C1orf87: variants seen among roughly 807,000 people sequenced by gnomAD.
The protein encoded by C1orf87 is chromosome 1 open reading frame 87, also known as uncharacterized protein C1orf87.
Under a neutral mutation model 60.5 loss-of-function variants are expected in C1orf87, and 58 were observed. That is an observed-to-expected ratio of 0.96 (90% confidence interval 0.78 to 1.19). C1orf87 has a LOEUF of 1.19. C1orf87 is among the 50% of genes most tolerant of loss of function. The pLI is 0.00. For synonymous variants in C1orf87, 236 were observed against 227.4 expected (o/e 1.04, Z -0.34); for missense variants, 673 against 638.6 (o/e 1.05, Z -0.58).
chr1:60,008,862 A>C (rs755147013), intron 9 of C1orf87: 4 of 347,440 alleles, frequency 1.2e-5, no homozygotes, highest in Non-Finnish European at 1.7e-5. Flanking sequence ...TCCCCTCTGA[A>C]ATCCTTCCTC....
chr1:60,029,204 C>G (rs1645219424), intron 7 of C1orf87, among the ~76,000 whole-genome samples: 1 of 152,110 alleles, frequency 6.6e-6, no homozygotes, highest in African/African-American at 2.4e-5. Context: ...TAAGTCAGGG[C>G]CCATATCTAA....
intron 3 of C1orf87, among the ~76,000 whole-genome samples, chr1:60,041,649 T>A (rs1316603545): frequency 1.3e-5 from 2 of 152,162 alleles, no homozygotes; most frequent in African/African-American, 4.8e-5. Flanking sequence ...CCATGGAGCA[T>A]GGTATATTAA....
chr1:60,061,849 G>A (rs1414034377), intron 2 of C1orf87, among the ~76,000 whole-genome samples: 1 of 149,946 alleles, frequency 6.7e-6, no homozygotes, highest in African/African-American at 2.5e-5. Flanking sequence ...TACTTGGGAA[G>A]CTGAGGCAGG....
chr1:60,048,815 A>T (rs1645392154), intron 3 of C1orf87, among the ~76,000 whole-genome samples: 1 of 151,952 alleles, frequency 6.6e-6, no homozygotes. Context: ...AGAATAATCT[A>T]TATATATTTT....
intron 2 of C1orf87, among the ~76,000 whole-genome samples, chr1:60,061,864 T>C (rs1645499325): frequency 6.7e-6 from 1 of 149,716 alleles, no homozygotes; most frequent in Non-Finnish European, 1.5e-5. Context: ...GGCAGGAGGA[T>C]TGCTTGAGCC....
At chr1:60,072,468 G>T in intron 2 of C1orf87, 69 bp downstream of exon 2, 3 of 1,238,380 alleles carry the variant, frequency 2.4e-6, no homozygotes, top group South Asian at 1.4e-5. Flanking sequence ...TAAATTTCTG[G>T]GTGAAAACAA....
chr1:60,038,004 G>A lies in C1orf87; in HGVS notation c.851C>T (p.Thr284Ile), dbSNP rs762634657. 3.7e-6 allele frequency: 6 copies of A among 1,607,970 alleles called. No homozygotes were observed. The highest frequency in any genetic ancestry group is 5.1e-6 in the Non-Finnish European group (6 of 1,175,320). The change falls in exon 6 of 12, where the codon ACT becomes ATT. Residue 284 changes from threonine to isoleucine, a missense_variant. Coordinates refer to ENST00000371201, the MANE Select transcript of C1orf87 (RefSeq NM_152377.3). ...ADLRKTESHG[T>I]HSQSTPPQHS... ...GGGAGAAGAGTACCTTTGGCTATGA[G>A]TGCCATGACTCTCAGTTTTTCTCAG...
chr1:60,008,359 G>A (rs1320888890), intron 9 of C1orf87, among the ~76,000 whole-genome samples: 1 of 152,022 alleles, frequency 6.6e-6, no homozygotes, highest in Non-Finnish European at 1.5e-5. Flanking sequence ...ATTTAGTTGT[G>A]TGAGACTTCA....
In C1orf87 at chr1:60,033,545, G is replaced by A; in HGVS notation, c.960C>T (p.Asn320=). Reference sequence around the variant, plus strand: ...GAAAACTCAGATTGAGATTGTCTATGTTGAGTCTGCCATTGGTTGTCCTTA... The same window carrying A: ...GAAAACTCAGATTGAGATTGTCTATATTGAGTCTGCCATTGGTTGTCCTTA... ...MALRTTNGRL[N]IDNLNLSFRK... Residue 320 remains asparagine (N), a synonymous_variant, in exon 7 of 12, where the codon AAC becomes AAT. Coordinates refer to ENST00000371201, the MANE Select transcript of C1orf87 (RefSeq NM_152377.3). The A allele has an allele frequency of 6.2e-7, 1 of 1,613,958 alleles. No individual in the cohort carries two copies. Among genetic ancestry groups the A allele is most frequent in the South Asian group, 1.1e-5 (1 of 91,000 alleles).
At chr1:60,056,255 AT>A (rs1207212520) in intron 2 of C1orf87, among the ~76,000 whole-genome samples, 1 of 152,156 alleles carries the variant, frequency 6.6e-6, no homozygotes, top group Non-Finnish European at 1.5e-5. Context: ...AAATAAAAAA[AT>A]AATGGAAAGT....
At chr1:60,034,834 T>C (rs187273846) in intron 6 of C1orf87, among the ~76,000 whole-genome samples, 1 of 152,338 alleles carries the variant, frequency 6.6e-6, no homozygotes, top group Admixed American at 6.5e-5. Flanking sequence ...CAAGTCTGTT[T>C]TGTTCCTTAC....
intron 11 of C1orf87, among the ~76,000 whole-genome samples, chr1:59,994,510 C>T (rs1178478996): frequency 2.0e-5 from 3 of 152,198 alleles, no homozygotes; most frequent in African/African-American, 7.2e-5. Context: ...AGAGGAATTT[C>T]TTTCAGGCTC....
intron 7 of C1orf87, among the ~76,000 whole-genome samples, chr1:60,028,359 T>C (rs1000288469): frequency 6.6e-6 from 1 of 152,190 alleles, no homozygotes; most frequent in Admixed American, 6.5e-5. Context: ...GACTGATGGA[T>C]AGCTGCTAAG....
chr1:60,025,262 C>T lies in C1orf87; in HGVS notation c.1127+139G>A, dbSNP rs1389659330. 6.6e-6 allele frequency: 4 copies of T among 607,498 alleles called. No individual in the cohort carries two copies. The African/African-American group carries it at 7.6e-5, about 12-fold the overall frequency. The allele number at this position is 607,498 out of a possible 1,614,324, so 37.6% of individuals were successfully genotyped here. On this transcript the variant is annotated intron_variant, in intron 8 of 11. Coordinates refer to ENST00000371201, the MANE Select transcript of C1orf87 (RefSeq NM_152377.3). The stretch of plus-strand genomic sequence containing the variant: ...AATAATTTCATCATGGGGGTTTCAC[C>T]TTTATGACATCATCTAAACCTAATC...
chr1:60,009,868 A>C (rs944769398), intron 9 of C1orf87, among the ~76,000 whole-genome samples: 2 of 152,018 alleles, frequency 1.3e-5, no homozygotes, highest in South Asian at 2.1e-4. Flanking sequence ...CAACCCAGCC[A>C]TGTTATTTTA....
At chr1:60,045,790 C>A (rs1645362840) in intron 3 of C1orf87, among the ~76,000 whole-genome samples, 1 of 152,154 alleles carries the variant, frequency 6.6e-6, no homozygotes, top group Admixed American at 6.5e-5. Flanking sequence ...TGGGATGGGG[C>A]CCAGGAATCT....
intron 2 of C1orf87, among the ~76,000 whole-genome samples, chr1:60,061,709 TAAG>T (rs1645497476): frequency 8.0e-6 from 1 of 125,634 alleles, no homozygotes; most frequent in Non-Finnish European, 1.6e-5. Context: ...GAGGCCTAGG[TAAG>T]AAGATCACTT....
At chr1:60,010,498 T>C in intron 8 of C1orf87, 42 bp from the exon 9 acceptor site, 1 of 1,528,546 alleles carries the variant, frequency 6.5e-7, no homozygotes, top group Non-Finnish European at 9.1e-7. Context: ...TCAATATGAT[T>C]GCCCTGAAAG....
At chr1:60,031,469 C>T (rs758470193) in intron 7 of C1orf87, among the ~76,000 whole-genome samples, 1 of 152,162 alleles carries the variant, frequency 6.6e-6, no homozygotes, top group Non-Finnish European at 1.5e-5. Context: ...TCAAGGTCTG[C>T]CCTGATAACC....
Sources: allele counts gnomAD v4.1 joint callset (sites outside exome capture counted in the v4.1 genomes callset), GRCh38; gene constraint gnomAD v4.1.1; transcripts MANE v1.5; gene names NCBI Gene and HGNC (gene_info 2026-07-23, HGNC 2026-07-21).